Variants in SPIRE2 observed in about 807,000 individuals in gnomAD.
SPIRE2 encodes spire type actin nucleation factor 2, also known as protein spire homolog 2.
SPIRE2 carries 76 observed loss-of-function variants against 80.7 expected under a neutral mutation model. The ratio of observed to expected loss-of-function variants is 0.94; its 90% confidence interval spans 0.78 to 1.14. SPIRE2 has a LOEUF of 1.14. Among genes scored for constraint, SPIRE2 ranks in the 50% most tolerant of loss-of-function variants. The pLI is 0.00. For synonymous variants in SPIRE2, 535 were observed against 432.6 expected (o/e 1.24, Z -2.94); for missense variants, 1,196 against 1,015.3 (o/e 1.18, Z -2.42).
At chr16:89,830,278 C>T (rs1459592708) in intron 1 of SPIRE2, among the ~76,000 whole-genome samples, 1 of 151,256 alleles carries the variant, frequency 6.6e-6, no homozygotes. Flanking sequence ...GGCTGGGGTT[C>T]AAAGTTCAGG....
At chr16:89,847,121 A>G (rs961586509) in intron 2 of SPIRE2, 2 of 152,174 alleles carry the variant, frequency 1.3e-5, no homozygotes, top group African/African-American at 4.8e-5. Flanking sequence ...GATAATTTAA[A>G]AACAATAATA....
In SPIRE2 at chr16:89,845,290, G is replaced by C. The variant is rs370121986; in HGVS notation, c.245-32G>C. The C allele has an allele frequency of 4.3e-6, 7 of 1,612,370 alleles. No individual in the cohort carries two copies. In the African/African-American group the frequency reaches 9.3e-5, roughly 22 times the overall value. On this transcript the variant is annotated intron_variant, in intron 1 of 14. Coordinates refer to ENST00000378247, the MANE Select transcript of SPIRE2 (RefSeq NM_032451.2). Reference sequence around the variant, plus strand: ...TGTTTATTGGGGTCCCGGGGATGCTGACAAATAACTTAACTCCCTCTTCTC... The same window carrying C: ...TGTTTATTGGGGTCCCGGGGATGCTCACAAATAACTTAACTCCCTCTTCTC...
At chr16:89,869,003 C>G (rs1193825061) in intron 13 of SPIRE2, among the ~76,000 whole-genome samples, 3 of 113,726 alleles carry the variant, frequency 2.6e-5, no homozygotes, top group Admixed American at 1.1e-4. Context: ...TGTACTCCAG[C>G]CTGGGCAATA....
intron 2 of SPIRE2, chr16:89,845,635 T>C: frequency 1.4e-6 from 1 of 701,668 alleles, no homozygotes. Context: ...GCTGCACAGA[T>C]GAGGGGCACA....
At chr16:89,856,303 T>C in intron 7 of SPIRE2, 67 bp downstream of exon 7, 3 of 1,507,706 alleles carry the variant, frequency 2.0e-6, no homozygotes, top group Non-Finnish European at 2.7e-6. Flanking sequence ...ATTCCCCTGG[T>C]CAGGTTGCAC....
intron 2 of SPIRE2, 150 bp downstream of exon 2, chr16:89,845,515 T>C: frequency 1.3e-6 from 1 of 779,460 alleles, no homozygotes; most frequent in Non-Finnish European, 2.2e-6. Flanking sequence ...TTGCAGGGAC[T>C]GGATGAAACG....
rs1442247342 is a variant in SPIRE2, at chr16:89,834,811, C to T, written c.244+6017C>T. ...GCCCATGTGAATCTGTGAACCTGCCCGCATTCGCGGTTGGCCGTCGTAGAA... is the reference window on the plus strand; with the variant it reads ...GCCCATGTGAATCTGTGAACCTGCCTGCATTCGCGGTTGGCCGTCGTAGAA... On this transcript the variant is annotated intron_variant, in intron 1 of 14. Transcript: ENST00000378247. Among the ~76,000 whole-genome samples the T allele has an allele frequency of 1.5e-4, 20 of 130,570 alleles. 1 individual carries two copies. The highest frequency in any genetic ancestry group is 5.2e-3 in the Middle Eastern group (1 of 192). 85.7% of individuals were successfully genotyped at this position (130,570 alleles called of 152,430 possible).
At position 89,861,705 on chromosome 16, in the gene SPIRE2, C is replaced by A. The variant is rs115565377; in HGVS notation, c.1575+910C>A. The stretch of plus-strand genomic sequence containing the variant: ...GGCTGCAGTTAGGATGGCAGTGGGG[C>A]CTGATCTCGACTGAAGGGTCAAATC... On this transcript the variant is annotated intron_variant, in intron 10 of 14. Coordinates refer to ENST00000378247, the MANE Select transcript of SPIRE2 (RefSeq NM_032451.2). 5.9e-3 allele frequency among the ~76,000 whole-genome samples: 895 copies of A among 152,328 alleles called. 3 individuals are homozygous for A. The highest frequency in any genetic ancestry group is 0.02 in the African/African-American group (836 of 41,572).
At chr16:89,837,171 G>A (rs1014705446) in intron 1 of SPIRE2, among the ~76,000 whole-genome samples, 1 of 152,134 alleles carries the variant, frequency 6.6e-6, no homozygotes, top group Non-Finnish European at 1.5e-5. Flanking sequence ...ATCCAGATCC[G>A]AGTCCTGCCC....
At chr16:89,857,082 C>G (rs1187433720) in intron 7 of SPIRE2, among the ~76,000 whole-genome samples, 1 of 146,366 alleles carries the variant, frequency 6.8e-6, no homozygotes, top group Non-Finnish European at 1.5e-5. Flanking sequence ...AAAAAAAAAT[C>G]ACTTTTTATG....
chr16:89,856,959 C>T (rs2143816452), intron 7 of SPIRE2, among the ~76,000 whole-genome samples: 1 of 151,260 alleles, frequency 6.6e-6, no homozygotes, highest in East Asian at 2.0e-4. Flanking sequence ...CCAGGTGCTC[C>T]AGGGGCTGAG....
chr16:89,859,218 A>G lies in SPIRE2; in HGVS notation c.1326A>G (p.Ser442=). The change falls in exon 9 of 15, where the codon TCA becomes TCG. Residue 442 remains serine, a synonymous_variant. Transcript: ENST00000378247. ...CGCTGAAACGGGACCGCTCCTTCTC[A>G]GAGCATGACCTGGCCCAGCTCCGAA... is the stretch of plus-strand genomic sequence containing the variant. ...EVTLKRDRSF[S]EHDLAQLRSE... 1 of 1,604,764 alleles carries G rather than the reference A, an allele frequency of 6.2e-7. No individual in the cohort carries two copies. The highest frequency in any genetic ancestry group is 8.5e-7 in the Non-Finnish European group (1 of 1,175,638).
At chr16:89,845,214 G>C in intron 1 of SPIRE2, 108 bp from the exon 2 acceptor site, 2 of 993,066 alleles carry the variant, frequency 2.0e-6, no homozygotes, top group South Asian at 1.3e-5. Flanking sequence ...TGTTCCGGCG[G>C]AGAGTGGGGC....
At chr16:89,842,284 C>T (rs1598220625) in intron 1 of SPIRE2, among the ~76,000 whole-genome samples, 1 of 133,650 alleles carries the variant, frequency 7.5e-6, no homozygotes, top group East Asian at 2.7e-4. Context: ...ACCATCTTGA[C>T]TCACTGCAAC....
At chr16:89,844,178 T>G (rs1791333527) in intron 1 of SPIRE2, among the ~76,000 whole-genome samples, 1 of 151,238 alleles carries the variant, frequency 6.6e-6, no homozygotes, top group African/African-American at 2.4e-5. Context: ...ATATATTTTT[T>G]GAGATGCAGT....
At chr16:89,859,067 AC>A in intron 8 of SPIRE2, 97 bp from the exon 9 acceptor site, 1 of 1,146,842 alleles carries the variant, frequency 8.7e-7, no homozygotes, top group Non-Finnish European at 1.2e-6. Flanking sequence ...ATCGCAGCAG[AC>A]CCTGCGGCAC....
chr16:89,841,293 C>G (rs979583104), intron 1 of SPIRE2, among the ~76,000 whole-genome samples: 1 of 152,036 alleles, frequency 6.6e-6, no homozygotes, highest in African/African-American at 2.4e-5. Context: ...TGGATGGAAA[C>G]GAGGGGTCCT....
chr16:89,860,449 G>C (rs1167035876), intron 9 of SPIRE2, among the ~76,000 whole-genome samples: 1 of 151,980 alleles, frequency 6.6e-6, no homozygotes, highest in Admixed American at 6.6e-5. Flanking sequence ...CTATAGAGCT[G>C]AGGGTCTCGC....
chr16:89,834,878 G>A (rs1437352687), intron 1 of SPIRE2, among the ~76,000 whole-genome samples: 20 of 147,752 alleles, frequency 1.4e-4, no homozygotes, highest in Admixed American at 5.4e-4. Flanking sequence ...GAACCTGCCC[G>A]CACTCGCAGC....
Sources: gnomAD v4.1 joint callset for allele counts (sites outside exome capture counted in the v4.1 genomes callset) on GRCh38, gnomAD v4.1.1 for gene constraint, MANE v1.5 for transcripts, NCBI Gene and HGNC (gene_info 2026-07-23, HGNC 2026-07-21) for gene names.